The following PCDHA7 variants were observed in gnomAD, a reference collection of about 807,000 sequenced individuals.
PCDHA7 encodes the protein protocadherin alpha-7.
A neutral mutation model predicts 57.2 loss-of-function variants in PCDHA7; 37 were observed. The ratio of observed to expected loss-of-function variants is 0.65; its 90% CI spans 0.50 to 0.85. The LOEUF is 0.85. PCDHA7 is among the 40% of genes least tolerant of loss of function. PCDHA7 has a pLI of 0.00. For missense variants in PCDHA7, 1,188 were observed against 1,241.8 expected (o/e 0.96, Z 0.65); for synonymous variants, 553 against 558.8 (o/e 0.99, Z 0.15).
rs114567887 is a variant in PCDHA7, at chr5:140,974,104, T to G, written c.2356-4845T>G. The stretch of plus-strand genomic sequence containing the variant: ...GACTTCAAAAATCAAAGGTTAAAAG[T>G]ATTCTTTTGCAGTGTTTTAAATCTG... On this transcript the variant is annotated intron_variant, in intron 1 of 3. Coordinates refer to ENST00000525929, the MANE Select transcript of PCDHA7 (RefSeq NM_018910.3). Among the ~76,000 whole-genome samples, 1,327 of 152,364 alleles carry G rather than the reference T, an allele frequency of 8.7e-3. 24 individuals carry two copies. Among genetic ancestry groups the G allele is most frequent in the African/African-American group, 0.03 (1,240 of 41,584 alleles).
chr5:140,850,745 C>T, intron 1 of PCDHA7: 1 of 1,597,954 alleles, frequency 6.3e-7, no homozygotes. Context: ...GTTGGTCGTA[C>T]TCGCAGCAGA....
At chr5:140,977,815 G>C (rs2096776039) in intron 1 of PCDHA7, among the ~76,000 whole-genome samples, 1 of 152,208 alleles carries the variant, frequency 6.6e-6, no homozygotes, top group Non-Finnish European at 1.5e-5. Context: ...ATTATTGACA[G>C]TTTTGAATGG....
At chr5:140,906,092 A>G (rs985090106) in intron 1 of PCDHA7, among the ~76,000 whole-genome samples, 2 of 152,140 alleles carry the variant, frequency 1.3e-5, no homozygotes, top group Non-Finnish European at 2.9e-5. Context: ...GACTGAGAGT[A>G]AGTGTGTCTT....
chr5:140,904,150 C>A (rs1005130566), intron 1 of PCDHA7, among the ~76,000 whole-genome samples: 1 of 152,036 alleles, frequency 6.6e-6, no homozygotes, highest in African/African-American at 2.4e-5. Flanking sequence ...GTATACATTG[C>A]ACCCAGTTTG....
intron 1 of PCDHA7, among the ~76,000 whole-genome samples, chr5:140,941,194 TCTTTCTTCCTTTCTTTCTTCCTTTC>T (rs1257521577): frequency 8.9e-6 from 1 of 112,354 alleles, no homozygotes; most frequent in Admixed American, 9.1e-5. Context: ...TCTTTTTTTT[TCTTTCTTCCTTTCTTTCTTCCTTTC>T]TTTCTTTCTT....
intron 1 of PCDHA7, among the ~76,000 whole-genome samples, chr5:140,963,787 A>G (rs155812): frequency 0.31 from 47,834 of 152,128 alleles, 7,882 homozygotes; most frequent in East Asian, 0.53. Context: ...AACAACAACA[A>G]TAATGTACTT....
chr5:140,878,662 C>T (rs1479409326), intron 1 of PCDHA7, among the ~76,000 whole-genome samples: 1 of 152,194 alleles, frequency 6.6e-6, no homozygotes, highest in African/African-American at 2.4e-5. Flanking sequence ...CCAGAGGCTT[C>T]TCTTTAACCA....
rs1417392698 is a variant in PCDHA7 at position 140,999,864 on chromosome 5, T to G, written c.2504-9763T>G. Among the ~76,000 whole-genome samples, 46 of 152,148 alleles carry G rather than the reference T, an allele frequency of 3.0e-4. 1 individual carries two copies. ...TGTATTTATCTCTTCCGCTCCAAGATTACTGAAAATTAGCCCAGCTGTAGC... is the reference window on the plus strand; with the variant it reads ...TGTATTTATCTCTTCCGCTCCAAGAGTACTGAAAATTAGCCCAGCTGTAGC... On this transcript the variant is annotated intron_variant, in intron 3 of 3. Coordinates refer to ENST00000525929, the MANE Select transcript of PCDHA7 (RefSeq NM_018910.3).
chr5:140,978,571 A>G (rs891123704), intron 1 of PCDHA7, among the ~76,000 whole-genome samples: 5 of 152,208 alleles, frequency 3.3e-5, no homozygotes, highest in African/African-American at 1.2e-4. Flanking sequence ...TGTAATACTG[A>G]ATTGGGAATG....
Position 140,836,564 on chromosome 5 carries a change from C to T in PCDHA7, c.2181C>T (p.Ser727=), listed in dbSNP as rs1774574091. ...LYTALRCSAP[S]SEGACSLVKP... ...CGGCGTTGCGGTGCTCAGCGCCGTC[C>T]TCTGAGGGCGCATGTAGTTTGGTAA... is the stretch of plus-strand genomic sequence containing the variant. Residue 727 remains serine (S), a synonymous_variant, in exon 1 of 4, where the codon TCC becomes TCT. Coordinates refer to ENST00000525929, the MANE Select transcript of PCDHA7 (RefSeq NM_018910.3). 5 of 1,613,738 alleles carry T rather than the reference C, an allele frequency of 3.1e-6. No homozygotes were observed. Among genetic ancestry groups the T allele is most frequent in the Non-Finnish European group, 4.2e-6 (5 of 1,179,798 alleles).
At chr5:140,867,227 T>C (rs73793506) in intron 1 of PCDHA7, 1 of 152,106 alleles carries the variant, frequency 6.6e-6, no homozygotes, top group African/African-American at 2.4e-5. Context: ...CCAATTCCCA[T>C]AATAAGGTGA....
At chr5:140,976,740 A>C (rs1425716353) in intron 1 of PCDHA7, among the ~76,000 whole-genome samples, 7 of 152,192 alleles carry the variant, frequency 4.6e-5, no homozygotes, top group African/African-American at 1.7e-4. Flanking sequence ...CACATTTTAA[A>C]AACCTCCCAG....
At chr5:140,926,139 C>A (rs1434952263) in intron 1 of PCDHA7, among the ~76,000 whole-genome samples, 11 of 152,088 alleles carry the variant, frequency 7.2e-5, no homozygotes, top group Non-Finnish European at 1.5e-4. Flanking sequence ...GCAGCAGGAT[C>A]CAGCGCGGAA....
intron 1 of PCDHA7, chr5:140,966,228 A>G: frequency 3.6e-6 from 1 of 275,386 alleles, no homozygotes; most frequent in Admixed American, 5.3e-5. Context: ...AATCTCCTTA[A>G]AGACCCGTTA....
chr5:140,958,162 C>A lies in PCDHA7; in HGVS notation c.2356-20787C>A, dbSNP rs574337485. Among the ~76,000 whole-genome samples the A allele has an allele frequency of 1.1e-4, 16 of 152,028 alleles. No homozygotes were observed. The South Asian group carries it at 3.3e-3, about 32-fold the overall frequency. Reference sequence around the variant, plus strand: ...ATATTTATATAGCATAGTCAAAAGCCTGGAGTGATATAAATTTTCTGTTAC... The same window carrying A: ...ATATTTATATAGCATAGTCAAAAGCATGGAGTGATATAAATTTTCTGTTAC... On this transcript the variant is annotated intron_variant, in intron 1 of 3. Coordinates refer to ENST00000525929, the MANE Select transcript of PCDHA7 (RefSeq NM_018910.3).
chr5:140,945,201 T>G (rs1168662297), intron 1 of PCDHA7, among the ~76,000 whole-genome samples: 1 of 152,172 alleles, frequency 6.6e-6, no homozygotes, highest in Middle Eastern at 3.4e-3. Context: ...CTATTTACAA[T>G]AGCTATGAGA....
At chr5:140,874,459 G>A (rs569536068) in intron 1 of PCDHA7, among the ~76,000 whole-genome samples, 3 of 152,196 alleles carry the variant, frequency 2.0e-5, no homozygotes, top group African/African-American at 7.2e-5. Flanking sequence ...GACCTGTAGG[G>A]GAAGATTTAG....
chr5:140,981,685 C>T (rs369964011), intron 2 of PCDHA7, among the ~76,000 whole-genome samples: 1 of 152,048 alleles, frequency 6.6e-6, no homozygotes, highest in African/African-American at 2.4e-5. Flanking sequence ...TTCCTCCCTT[C>T]CATCATTCAT....
intron 1 of PCDHA7, chr5:140,849,428 A>G: frequency 6.3e-7 from 1 of 1,578,702 alleles, no homozygotes; most frequent in Non-Finnish European, 8.6e-7. Context: ...TGGATTTTGA[A>G]GAAAGTAGAG....
Sources: gnomAD v4.1 joint callset for allele counts (sites outside exome capture counted in the v4.1 genomes callset) on GRCh38, gnomAD v4.1.1 for gene constraint, MANE v1.5 for transcripts, NCBI Gene and HGNC (gene_info 2026-07-23, HGNC 2026-07-21) for gene names.